Variants in SELENON observed in about 807,000 individuals in gnomAD.
SELENON encodes selenoprotein N.
In SELENON, 44 loss-of-function variants were observed where a neutral mutation model predicts 59.5. That is an observed-to-expected ratio of 0.74 (90% confidence interval 0.58 to 0.95). The LOEUF (loss-of-function observed/expected upper bound fraction) is 0.95, where lower values mean the gene tolerates loss of function less well. Among genes scored for constraint, SELENON ranks in the 40% least tolerant of loss-of-function variants. The pLI, the probability that SELENON is intolerant of heterozygous loss-of-function variation, is 0.00. For synonymous variants in SELENON, 320 were observed against 305.6 expected (o/e 1.05, Z -0.49); for missense variants, 674 against 721.4 (o/e 0.93, Z 0.75).
Position 25,807,247 on chromosome 1 carries a change from G to A in SELENON, c.538-1333G>A, listed in dbSNP as rs999219789. Among the ~76,000 whole-genome samples, 2 of 152,064 alleles carry A rather than the reference G, an allele frequency of 1.3e-5. No individual in the cohort carries two copies. Among genetic ancestry groups the A allele is most frequent in the Admixed American group, 6.5e-5 (1 of 15,270 alleles). Reference sequence around the variant, plus strand: ...CCGTTTTGGGTCCTGTTTACTTGCCGTCTCCCACTATAAGCTCCAAGAAGA... The same window carrying A: ...CCGTTTTGGGTCCTGTTTACTTGCCATCTCCCACTATAAGCTCCAAGAAGA... On this transcript the variant is annotated intron_variant, in intron 4 of 12. Coordinates refer to ENST00000361547, the MANE Select transcript of SELENON (RefSeq NM_020451.3). This position sits in a 1 kb window ranked among gnomAD's most constrained non-coding sequence, Gnocchi z 4.5.
At position 25,801,162 on chromosome 1, in the gene SELENON, T is replaced by TACC. The variant is rs2047857738; in HGVS notation, c.301+4_301+6dup. On this transcript the variant is annotated splice_region_variant and intron_variant, in intron 2 of 12. Coordinates refer to ENST00000361547, the MANE Select transcript of SELENON (RefSeq NM_020451.3). ...AACCCATTGCTGAGAAGCTAACAGG[T>TACC]ACCAGGAGAGACTGGCGGCTGGGGA... 2.5e-6 allele frequency: 4 copies of TACC among 1,611,118 alleles called. No homozygotes were observed. In the African/African-American group the frequency reaches 5.3e-5, roughly 22 times the overall value.
In SELENON at chr1:25,807,899, G is replaced by C. The variant is rs187132051; in HGVS notation, c.538-681G>C. ...CGAGGCAGGTCACCGATGAGGACTC[G>C]GGCTTAGGGAAGGCCTTTTGCCCAG... is the stretch of plus-strand genomic sequence containing the variant. On this transcript the variant is annotated intron_variant, in intron 4 of 12. Transcript: ENST00000361547. This position sits in a 1 kb window ranked among gnomAD's most constrained non-coding sequence, Gnocchi z 4.5. 5.9e-5 allele frequency among the ~76,000 whole-genome samples: 9 copies of C among 152,320 alleles called. No individual in the cohort carries two copies. Among genetic ancestry groups the C allele is most frequent in the Non-Finnish European group, 1.2e-4 (8 of 68,020 alleles).
chr1:25,814,209 C>A (rs777927875), intron 12 of SELENON, 31 bp downstream of exon 11: 1 of 1,593,438 alleles, frequency 6.3e-7, no homozygotes, highest in Non-Finnish European at 8.6e-7. Context: ...CCCACAGGGC[C>A]CAGGCACCTC....
In SELENON at chr1:25,813,982, G is replaced by C. The variant is rs1332263942; in HGVS notation, c.1489G>C (p.Glu497Gln). ...CACCTGGTCCCTGGTGAAGGAGCTG[G>C]AGGAACTGCAGGTGAGCGGGCAGGT... is the stretch of plus-strand genomic sequence containing the variant. Residue 497 changes from glutamate to glutamine, a missense_variant, in exon 11 of 13, where the codon GAG (glutamate) becomes CAG (glutamine). Glu to Gln is a conservative substitution (Grantham distance 29). Transcript: ENST00000361547. The C allele has an allele frequency of 6.2e-7, 1 of 1,614,100 alleles. No homozygotes were observed. Among genetic ancestry groups the C allele is most frequent in the Non-Finnish European group, 8.5e-7 (1 of 1,179,946 alleles).
rs570153222 is a variant in SELENON at position 25,810,332 on chromosome 1, C to T, written c.1010+512C>T. Among the ~76,000 whole-genome samples the T allele has an allele frequency of 7.9e-5, 12 of 152,342 alleles. No homozygotes were observed. In the South Asian group the frequency reaches 1.0e-3, roughly 13 times the overall value. On this transcript the variant is annotated intron_variant, in intron 7 of 12. Transcript: ENST00000361547. ...TGCTGCAGAGCCCCAGAGGGGCTTC[C>T]GGGACGGTGCTACACCAGCCACCTG... is the stretch of plus-strand genomic sequence containing the variant.
chr1:25,801,354 C>T (rs1036101072), intron 2 of SELENON, among the ~76,000 whole-genome samples, 194 bp downstream of exon 2: 12 of 152,200 alleles, frequency 7.9e-5, no homozygotes, highest in Non-Finnish European at 1.6e-4. Context: ...TTTTCTCAGA[C>T]TTGTGAGCAA....
chr1:25,812,486 C>T (rs889097407), intron 9 of SELENON, among the ~76,000 whole-genome samples: 87 of 133,070 alleles, frequency 6.5e-4, no homozygotes, highest in African/African-American at 2.3e-3. Context: ...CACACATATA[C>T]AAACATACAC....
intron 4 of SELENON, among the ~76,000 whole-genome samples, chr1:25,806,182 G>A (rs529128779): frequency 4.6e-5 from 7 of 152,384 alleles, no homozygotes; most frequent in African/African-American, 1.4e-4. Flanking sequence ...CAGGCAGTGG[G>A]TGTGTCTGGG....
rs115488291 is a variant in SELENON at position 25,808,986 on chromosome 1, G to A, written c.748-40G>A. The A allele has an allele frequency of 2.5e-3, 4,075 of 1,612,904 alleles. 98 individuals carry two copies. The African/African-American group carries it at 0.046, about 18-fold the overall frequency. ...CCACCCCAGCGGATCCAGGCCCAGC[G>A]GGACCCAGCAAGCCAGTACGTGCCT... is the stretch of plus-strand genomic sequence containing the variant. On this transcript the variant is annotated intron_variant, in intron 5 of 12. Coordinates refer to ENST00000361547, the MANE Select transcript of SELENON (RefSeq NM_020451.3).
At position 25,817,946 on chromosome 1, in the gene SELENON, TC is replaced by T. The variant is rs371383269; in HGVS notation, c.*2236del. On this transcript the variant is annotated 3_prime_UTR_variant, in exon 13 of 13. Transcript: ENST00000361547. Reference sequence around the variant, plus strand: ...GGGCGTCTGATGCTCTCTCTCTGCCTCCCCCCCCATCCTGTCAGGCACAGGT... The same window carrying T: ...GGGCGTCTGATGCTCTCTCTCTGCCTCCCCCCCATCCTGTCAGGCACAGGT... 0.73 allele frequency: 110,108 copies of T among 151,826 alleles called. 41,245 individuals are homozygous for T. Among genetic ancestry groups the T allele is most frequent in the East Asian group, 0.97 (4,999 of 5,172 alleles). The allele number at this position is 151,826 out of a possible 1,614,324, so 9.4% of individuals were successfully genotyped here.
intron 9 of SELENON, among the ~76,000 whole-genome samples, chr1:25,812,213 G>C (rs1184239543): frequency 1.3e-5 from 2 of 152,000 alleles, no homozygotes; most frequent in African/African-American, 4.8e-5. Context: ...GGTGGTGGTA[G>C]CACGCACCTG....
Position 25,812,592 on chromosome 1 carries a change from C to CACACACACACACACACAA in SELENON, c.1282-81_1282-80insACAAACACACACACACAC, listed in dbSNP as rs2047974405. On this transcript the variant is annotated intron_variant, in intron 9 of 12. Coordinates refer to ENST00000361547, the MANE Select transcript of SELENON (RefSeq NM_020451.3). ...ACACACACACACACACACACACACA[C>CACACACACACACACACAA]ACACACACACACACTTGCACACACT... 9 of 801,372 alleles carry CACACACACACACACACAA rather than the reference C, an allele frequency of 1.1e-5. No homozygotes were observed. The South Asian group carries it at 1.2e-4, about 10-fold the overall frequency. The allele number at this position is 801,372 out of a possible 1,614,324, so 49.6% of individuals were successfully genotyped here. A position where few individuals can be genotyped will look rare whatever the true frequency, so the allele number is the denominator to read the frequency against.
chr1:25,805,633 ATGATGATTATTTCCCACACAC>A (rs1024432907), intron 4 of SELENON, among the ~76,000 whole-genome samples: 1 of 143,780 alleles, frequency 7.0e-6, no homozygotes, highest in African/African-American at 3.0e-5. Context: ...CCCACATACT[ATGATGATTATTTCCCACACAC>A]TATGATGATT....
chr1:25,809,738 C>T lies in SELENON; in HGVS notation c.928C>T (p.Pro310Ser), dbSNP rs2047942090. The change falls in exon 7 of 13, where the codon CCT becomes TCT. Residue 310 changes from proline (P) to serine (S), a missense_variant. Coordinates refer to ENST00000361547, the MANE Select transcript of SELENON (RefSeq NM_020451.3). ...GCCCGACTTCCCCTTTTGGTTCTCC[C>T]CTGCTCAGTTCACCGGCCACATCAT... The T allele has an allele frequency of 2.5e-6, 4 of 1,614,128 alleles. No individual in the cohort carries two copies. The highest frequency in any genetic ancestry group is 3.4e-6 in the Non-Finnish European group (4 of 1,180,026).
rs2048024241 is a variant in SELENON at position 25,817,762 on chromosome 1, C to T, written c.*2044C>T. 1 of 152,268 alleles carries T rather than the reference C, an allele frequency of 6.6e-6. No individual in the cohort carries two copies. The highest frequency in any genetic ancestry group is 2.4e-5 in the African/African-American group (1 of 41,452). The allele number at this position is 152,268 out of a possible 1,614,324, so 9.4% of individuals were successfully genotyped here. A position where few individuals can be genotyped will look rare whatever the true frequency, so the allele number is the denominator to read the frequency against. On this transcript the variant is annotated 3_prime_UTR_variant, in exon 13 of 13. Transcript: ENST00000361547. ...CATGGCACCCTCACCTCTCTCCCTG[C>T]CTGTTTTCCCCAAAGTGGAAAGGAA... is the stretch of plus-strand genomic sequence containing the variant.
In SELENON at chr1:25,802,116, G is replaced by T; in HGVS notation, c.402G>T (p.Leu134=). Residue 134 remains leucine, a splice_region_variant and synonymous_variant, in exon 3 of 13, where the codon CTG becomes CTT. Coordinates refer to ENST00000361547, the MANE Select transcript of SELENON (RefSeq NM_020451.3). The stretch of plus-strand genomic sequence containing the variant: ...ATTGATCCTCCTGCCTCAGCCTCCT[G>T]AGTAAGTGGGACCACAGGCATGTGC... 3.9e-6 allele frequency: 1 copy of T among 258,958 alleles called. No individual in the cohort carries two copies. The allele number at this position is 258,958 out of a possible 1,614,324, so 16.0% of individuals were successfully genotyped here.
intron 12 of SELENON, among the ~76,000 whole-genome samples, chr1:25,814,728 G>C (rs77839333): frequency 6.6e-6 from 1 of 152,208 alleles, no homozygotes; most frequent in African/African-American, 2.4e-5. Flanking sequence ...AGTGCAGCTG[G>C]CTTTGAACCG....
intron 4 of SELENON, among the ~76,000 whole-genome samples, chr1:25,806,130 A>T (rs902265207): frequency 2.0e-5 from 3 of 152,198 alleles, no homozygotes; most frequent in Non-Finnish European, 4.4e-5. Flanking sequence ...TTCAGCACGA[A>T]CAGAGGCCTG....
chr1:25,816,087 A>G lies in SELENON; in HGVS notation c.*369A>G. ...GAATGGAGGGAGGAGCAGGCTAGGAAGACGGGGCCACCACCCTCTCCTTGC... is the reference window on the plus strand; with the variant it reads ...GAATGGAGGGAGGAGCAGGCTAGGAGGACGGGGCCACCACCCTCTCCTTGC... On this transcript the variant is annotated 3_prime_UTR_variant, in exon 13 of 13. Coordinates refer to ENST00000361547, the MANE Select transcript of SELENON (RefSeq NM_020451.3). 5.3e-6 allele frequency: 1 copy of G among 187,186 alleles called. No individual in the cohort carries two copies. Among genetic ancestry groups the G allele is most frequent in the Non-Finnish European group, 1.1e-5 (1 of 89,860 alleles). 11.6% of individuals were successfully genotyped at this position (187,186 alleles called of 1,614,324 possible). A position where few individuals can be genotyped will look rare whatever the true frequency, so the allele number is the denominator to read the frequency against.
Sources: allele counts gnomAD v4.1 joint callset (sites outside exome capture counted in the v4.1 genomes callset), GRCh38; gene constraint gnomAD v4.1.1; non-coding constraint Gnocchi (gnomAD v3.1); transcripts MANE v1.5; gene names NCBI Gene and HGNC (gene_info 2026-07-23, HGNC 2026-07-21).